SPINK13: variants seen among roughly 807,000 people sequenced by gnomAD.
The protein encoded by SPINK13 is serine protease inhibitor Kazal-type 13.
Under a neutral mutation model 11.0 loss-of-function variants are expected in SPINK13, and 11 were observed. That is an observed-to-expected ratio of 1.00 (90% CI 0.63 to 1.65). SPINK13 has a LOEUF of 1.65. Among genes scored for constraint, SPINK13 ranks in the 40% most tolerant of loss-of-function variants. SPINK13 has a pLI of 0.00. For missense variants in SPINK13, 113 were observed against 117.7 expected (o/e 0.96, Z 0.19); for synonymous variants, 31 against 35.6 (o/e 0.87, Z 0.46).
chr5:148,279,891 C>T (rs1442482960), intron 3 of SPINK13, among the ~76,000 whole-genome samples: 1 of 152,132 alleles, frequency 6.6e-6, no homozygotes, highest in East Asian at 1.9e-4. Context: ...CAACTTGGTT[C>T]CATTCTCCCC....
intron 2 of SPINK13, among the ~76,000 whole-genome samples, chr5:148,273,123 T>C (rs1294047243): frequency 6.6e-6 from 1 of 152,186 alleles, no homozygotes; most frequent in Admixed American, 6.5e-5. Flanking sequence ...TTTGAGTATG[T>C]ATGCTTGCAT....
At chr5:148,283,954 G>T (rs756207849) in intron 4 of SPINK13, among the ~76,000 whole-genome samples, 2 of 152,154 alleles carry the variant, frequency 1.3e-5, no homozygotes, top group African/African-American at 4.8e-5. Flanking sequence ...TTCCCACAAA[G>T]ATCATTCTAA....
intron 4 of SPINK13, among the ~76,000 whole-genome samples, chr5:148,285,524 A>T (rs1047351136): frequency 6.6e-6 from 1 of 152,198 alleles, no homozygotes; most frequent in Non-Finnish European, 1.5e-5. Context: ...GAGAATAGTA[A>T]TATGTAAAGA....
chr5:148,275,795 G>A (rs1348779731), intron 3 of SPINK13, among the ~76,000 whole-genome samples: 2 of 151,842 alleles, frequency 1.3e-5, no homozygotes, highest in Non-Finnish European at 2.9e-5. Flanking sequence ...CGAGTAGCTG[G>A]GACTACAGGC....
chr5:148,282,761 G>C (rs1201267215), intron 4 of SPINK13, among the ~76,000 whole-genome samples: 6 of 152,108 alleles, frequency 3.9e-5, no homozygotes, highest in Non-Finnish European at 1.5e-5. Flanking sequence ...TATTGTTTTT[G>C]CCTTTCAAAT....
intron 4 of SPINK13, among the ~76,000 whole-genome samples, chr5:148,285,669 T>C (rs1756578930): frequency 6.6e-6 from 1 of 152,126 alleles, no homozygotes; most frequent in Non-Finnish European, 1.5e-5. Flanking sequence ...ATGCATAGCA[T>C]TATTGCTGTG....
In SPINK13 at chr5:148,286,025, G is replaced by A. The variant is rs1465745614; in HGVS notation, c.262G>A (p.Glu88Lys). 2 of 1,461,606 alleles carry A rather than the reference G, an allele frequency of 1.4e-6. No individual in the cohort carries two copies. The highest frequency in any genetic ancestry group is 1.9e-6 in the Non-Finnish European group (2 of 1,068,246). 90.5% of individuals were successfully genotyped at this position (1,461,606 alleles called of 1,614,324 possible). Residue 88 changes from glutamate (E) to lysine (K), a missense_variant, in exon 5 of 5, where the codon GAA becomes AAA. Glu to Lys is a moderately conservative substitution (Grantham distance 56). Transcript: ENST00000398450. ...GGAATTTCATTATCGTATAAAATTT[G>A]AAAAATATGGAAAATGTGATTAATG... Reference protein sequence around the residue: ...QREFHYRIKFEKYGKCD With the variant: ...QREFHYRIKFKKYGKCD
intron 3 of SPINK13, among the ~76,000 whole-genome samples, chr5:148,275,071 G>A (rs1756405210): frequency 6.6e-6 from 1 of 152,098 alleles, no homozygotes; most frequent in Admixed American, 6.5e-5. Context: ...TGCCATGGTG[G>A]TTTGCTGCAC....
intron 1 of SPINK13, 74 bp downstream of exon 1, chr5:148,268,962 T>A (rs1016051546): frequency 6.6e-6 from 1 of 152,592 alleles, no homozygotes; most frequent in Non-Finnish European, 1.5e-5. Flanking sequence ...TCTCTGTCAG[T>A]GGGTTTCCCT....
chr5:148,273,280 T>C (rs1756377503), intron 2 of SPINK13, among the ~76,000 whole-genome samples: 2 of 149,464 alleles, frequency 1.3e-5, no homozygotes, highest in African/African-American at 5.1e-5. Context: ...AGGAAGTTGT[T>C]TTCATTTTTA....
chr5:148,275,147 CCAACAG>C, intron 3 of SPINK13, among the ~76,000 whole-genome samples: 1 of 152,120 alleles, frequency 6.6e-6, no homozygotes, highest in African/African-American at 2.4e-5. Flanking sequence ...CCCCGCTCCC[CCAACAG>C]GCTCCAGTGT....
intron 3 of SPINK13, among the ~76,000 whole-genome samples, chr5:148,280,715 G>A (rs1444957658): frequency 3.3e-5 from 5 of 152,174 alleles, no homozygotes; most frequent in South Asian, 2.1e-4. Context: ...TGAGGTGTCC[G>A]TAGACCCCTG....
chr5:148,269,967 G>A, intron 1 of SPINK13, 73 bp from the exon 2 acceptor site: 1 of 1,075,596 alleles, frequency 9.3e-7, no homozygotes, highest in Non-Finnish European at 1.4e-6. Context: ...TATCACCTTA[G>A]GGTATTGTGT....
chr5:148,272,810 T>C (rs751938090), intron 2 of SPINK13, among the ~76,000 whole-genome samples: 10 of 152,228 alleles, frequency 6.6e-5, no homozygotes, highest in South Asian at 2.1e-4. Context: ...ATCTATTAGT[T>C]GAACTATATA....
chr5:148,286,116 G>A lies in SPINK13; in HGVS notation c.*68G>A. On this transcript the variant is annotated 3_prime_UTR_variant, in exon 5 of 5. Coordinates refer to ENST00000398450, the MANE Select transcript of SPINK13 (RefSeq NM_001040129.3). ...AATTCAGAATAGTATTTCTTTTAGAGTGTGAGAATGTAAATTAAATAACAT... is the reference window on the plus strand; with the variant it reads ...AATTCAGAATAGTATTTCTTTTAGAATGTGAGAATGTAAATTAAATAACAT... 1 of 1,037,876 alleles carries A rather than the reference G, an allele frequency of 9.6e-7. No homozygotes were observed. Among genetic ancestry groups the A allele is most frequent in the Non-Finnish European group, 1.4e-6 (1 of 737,278 alleles). The allele number at this position is 1,037,876 out of a possible 1,614,324, so 64.3% of individuals were successfully genotyped here.
chr5:148,281,715 G>C (rs1233039885), intron 3 of SPINK13, among the ~76,000 whole-genome samples: 1 of 152,184 alleles, frequency 6.6e-6, no homozygotes, highest in South Asian at 2.1e-4. Flanking sequence ...CTGCAGACCA[G>C]AGCTGTTCCT....
Position 148,285,497 on chromosome 5 carries a change from G to A in SPINK13, c.237-503G>A, listed in dbSNP as rs187164943. Among the ~76,000 whole-genome samples the A allele has an allele frequency of 6.6e-5, 10 of 152,230 alleles. No homozygotes were observed. The East Asian group carries it at 1.7e-3, about 26-fold the overall frequency. ...ATGTAATACAAATATGATGCTGAAA[G>A]GAACATTATGTATTTAGAGAATAGT... On this transcript the variant is annotated intron_variant, in intron 4 of 4. Coordinates refer to ENST00000398450, the MANE Select transcript of SPINK13 (RefSeq NM_001040129.3).
Position 148,274,401 on chromosome 5 carries a change from C to T in SPINK13, c.108+17C>T. 1.2e-6 allele frequency: 2 copies of T among 1,603,910 alleles called. No homozygotes were observed. The highest frequency in any genetic ancestry group is 3.3e-4 in the Middle Eastern group (2 of 6,034). ...TGGCCTAAGGTAAATTTAAATTTCTCAGTTCTAGGTTGTAATTCTAGTCTA... is the reference window on the plus strand; with the variant it reads ...TGGCCTAAGGTAAATTTAAATTTCTTAGTTCTAGGTTGTAATTCTAGTCTA... On this transcript the variant is annotated intron_variant, in intron 3 of 4. Coordinates refer to ENST00000398450, the MANE Select transcript of SPINK13 (RefSeq NM_001040129.3).
At chr5:148,271,582 AT>A (rs1385073853) in intron 2 of SPINK13, among the ~76,000 whole-genome samples, 4 of 152,106 alleles carry the variant, frequency 2.6e-5, no homozygotes, top group African/African-American at 9.7e-5. Flanking sequence ...TGGAAAATAT[AT>A]TTTTATAATT....
Sources: allele counts gnomAD v4.1 joint callset (sites outside exome capture counted in the v4.1 genomes callset), GRCh38; gene constraint gnomAD v4.1.1; transcripts MANE v1.5; gene names NCBI Gene and HGNC (gene_info 2026-07-23, HGNC 2026-07-21).